PDE4B: variants seen among roughly 807,000 people sequenced by gnomAD.
PDE4B encodes the protein 3',5'-cyclic-AMP phosphodiesterase 4B.
In PDE4B, 20 loss-of-function variants were observed where a neutral mutation model predicts 82.2. The ratio of observed to expected loss-of-function variants is 0.24; its 90% confidence interval spans 0.17 to 0.35. The LOEUF (loss-of-function observed/expected upper bound fraction) is 0.35. Ranked by LOEUF, PDE4B falls within the 10% of genes least tolerant of loss-of-function variation. The pLI is 1.00. For missense variants in PDE4B, 655 were observed against 907.2 expected (o/e 0.72, Z 3.57); for synonymous variants, 320 against 318.9 (o/e 1.00, Z -0.04).
At chr1:66,196,212 A>G (rs1413984366) in intron 3 of PDE4B, among the ~76,000 whole-genome samples, 2 of 152,204 alleles carry the variant, frequency 1.3e-5, no homozygotes, top group Non-Finnish European at 2.9e-5. Flanking sequence ...GGAGTTCTGG[A>G]AGGGCAACTG....
chr1:66,099,492 A>G (rs547139607), intron 3 of PDE4B, among the ~76,000 whole-genome samples: 2 of 151,402 alleles, frequency 1.3e-5, no homozygotes, highest in Admixed American at 1.3e-4. Context: ...GGTAGTTTTG[A>G]CTCTTATTTC....
chr1:66,332,958 G>A (rs1660238934), intron 8 of PDE4B, among the ~76,000 whole-genome samples: 1 of 152,156 alleles, frequency 6.6e-6, no homozygotes, highest in Admixed American at 6.5e-5. Flanking sequence ...ACAATTATCA[G>A]GAAGCTAAAA....
chr1:66,247,429 T>C, intron 3 of PDE4B, 31 bp from the exon 4 acceptor site: 4 of 1,502,840 alleles, frequency 2.7e-6, no homozygotes, highest in Non-Finnish European at 3.6e-6. Flanking sequence ...ATGGTTATCA[T>C]GTGACCAGAG....
At chr1:66,343,062 A>C (rs1661126123) in intron 8 of PDE4B, among the ~76,000 whole-genome samples, 1 of 151,838 alleles carries the variant, frequency 6.6e-6, no homozygotes, top group Admixed American at 6.6e-5. Flanking sequence ...CCCTGTCAAA[A>C]AACAACAACA....
At chr1:65,847,450 G>A (rs1029476405) in intron 1 of PDE4B, among the ~76,000 whole-genome samples, 2 of 152,236 alleles carry the variant, frequency 1.3e-5, no homozygotes, top group African/African-American at 4.8e-5. Context: ...TCAAACATAT[G>A]AGCAGATTGG....
At chr1:66,005,069 A>G (rs1277408294) in intron 3 of PDE4B, among the ~76,000 whole-genome samples, 1 of 152,166 alleles carries the variant, frequency 6.6e-6, no homozygotes, top group Non-Finnish European at 1.5e-5. Context: ...TCATTAAAAT[A>G]TAAAAATCAA....
chr1:66,302,546 G>C (rs1657971169), intron 7 of PDE4B, among the ~76,000 whole-genome samples: 1 of 152,134 alleles, frequency 6.6e-6, no homozygotes, highest in Non-Finnish European at 1.5e-5. Flanking sequence ...TTGTGTTTTA[G>C]AGGTTACAAA....
intron 3 of PDE4B, among the ~76,000 whole-genome samples, chr1:65,926,538 T>A (rs1311618289): frequency 1.3e-5 from 2 of 152,344 alleles, no homozygotes; most frequent in Non-Finnish European, 2.9e-5. Context: ...AGTATCTGAA[T>A]GTTTTTGGCT....
chr1:65,974,027 G>GC (rs1650280976), intron 3 of PDE4B, among the ~76,000 whole-genome samples: 1 of 151,928 alleles, frequency 6.6e-6, no homozygotes, highest in African/African-American at 2.4e-5. Flanking sequence ...TGATCAGGCT[G>GC]GTCTTGAGCT....
chr1:65,974,046 C>A (rs1046264713), intron 3 of PDE4B, among the ~76,000 whole-genome samples: 1 of 152,092 alleles, frequency 6.6e-6, no homozygotes, highest in African/African-American at 2.4e-5. Context: ...CTTCTGACCT[C>A]AGGTGGTCTG....
intron 3 of PDE4B, among the ~76,000 whole-genome samples, chr1:66,198,852 C>T (rs1186654208): frequency 3.3e-5 from 5 of 150,208 alleles, no homozygotes; most frequent in Non-Finnish European, 7.4e-5. Flanking sequence ...TGAGTGAGAA[C>T]ATGCGGTGTT....
At chr1:65,989,968 A>G (rs1389160718) in intron 3 of PDE4B, among the ~76,000 whole-genome samples, 2 of 151,478 alleles carry the variant, frequency 1.3e-5, no homozygotes, top group Non-Finnish European at 2.9e-5. Context: ...TTTTTCAGAA[A>G]TAAGTAATTC....
chr1:66,269,112 CTA>C (rs1417120724), intron 7 of PDE4B, among the ~76,000 whole-genome samples: 1 of 152,180 alleles, frequency 6.6e-6, no homozygotes, highest in Non-Finnish European at 1.5e-5. Flanking sequence ...ATTTTTATCT[CTA>C]TTGCTATGAA....
intron 3 of PDE4B, among the ~76,000 whole-genome samples, chr1:65,965,113 T>A (rs4394619): frequency 0.98 from 149,248 of 152,156 alleles, 73,253 homozygotes; most frequent in Middle Eastern, 1. Flanking sequence ...TGGTGTAGGG[T>A]CCTGTAATTC....
chr1:66,188,770 G>C (rs183661141), intron 3 of PDE4B, among the ~76,000 whole-genome samples: 2 of 151,650 alleles, frequency 1.3e-5, no homozygotes, highest in African/African-American at 4.8e-5. Flanking sequence ...CACACTGATC[G>C]GTCTTGACTG....
intron 1 of PDE4B, among the ~76,000 whole-genome samples, chr1:65,801,112 A>C (rs1450518681): frequency 6.6e-6 from 1 of 152,168 alleles, no homozygotes; most frequent in Non-Finnish European, 1.5e-5. Flanking sequence ...CTTAAAACGA[A>C]GTCTGTTTCC....
chr1:66,202,393 G>A (rs1007321464), intron 3 of PDE4B, among the ~76,000 whole-genome samples: 2 of 152,138 alleles, frequency 1.3e-5, no homozygotes, highest in African/African-American at 4.8e-5. Context: ...TTCAATTCCT[G>A]GGTATCCTTG....
chr1:66,130,553 T>C (rs1357834160), intron 3 of PDE4B, among the ~76,000 whole-genome samples: 1 of 152,200 alleles, frequency 6.6e-6, no homozygotes, highest in Non-Finnish European at 1.5e-5. Flanking sequence ...CCCCAAATGT[T>C]GGCAGTCAAA....
At position 66,236,336 on chromosome 1, in the gene PDE4B, A is replaced by T. The variant is rs189352884; in HGVS notation, c.282-11124A>T. Among the ~76,000 whole-genome samples, 1,146 of 152,218 alleles carry T rather than the reference A, an allele frequency of 7.5e-3. 6 individuals are homozygous for T. Among genetic ancestry groups the T allele is most frequent in the Middle Eastern group, 0.024 (7 of 294 alleles). Reference sequence around the variant, plus strand: ...TTCTTTGCCTTTGTACTCTTGTCATATAGTTTACTTCTACATATGTCATGA... The same window carrying T: ...TTCTTTGCCTTTGTACTCTTGTCATTTAGTTTACTTCTACATATGTCATGA... On this transcript the variant is annotated intron_variant, in intron 3 of 16. Coordinates refer to ENST00000341517, the MANE Select transcript of PDE4B (RefSeq NM_002600.4).
Sources: gnomAD v4.1 joint callset for allele counts (sites outside exome capture counted in the v4.1 genomes callset) on GRCh38, gnomAD v4.1.1 for gene constraint, MANE v1.5 for transcripts, NCBI Gene and HGNC (gene_info 2026-07-23, HGNC 2026-07-21) for gene names.